Variants in TSPEAR observed in about 807,000 individuals in gnomAD.
The protein encoded by TSPEAR is thrombospondin-type laminin G domain and EAR repeat-containing protein.
A neutral mutation model predicts 71.6 loss-of-function variants in TSPEAR; 69 were observed. The ratio of observed to expected loss-of-function variants is 0.96; its 90% CI spans 0.79 to 1.18. The LOEUF (loss-of-function observed/expected upper bound fraction) is 1.18, where lower values mean the gene tolerates loss of function less well. Ranked by LOEUF, TSPEAR falls within the 50% of genes most tolerant of loss-of-function variation. The probability of loss-of-function intolerance (pLI) is 0.00; values close to 1 mark genes in which losing one functional copy is unlikely to be tolerated. For synonymous variants in TSPEAR, 402 were observed against 387.2 expected (o/e 1.04, Z -0.45); for missense variants, 971 against 894.9 (o/e 1.09, Z -1.09).
chr21:44,549,843 C>T (rs2053371714), intron 2 of TSPEAR, among the ~76,000 whole-genome samples: 3 of 152,322 alleles, frequency 2.0e-5, no homozygotes, highest in African/African-American at 4.8e-5. Flanking sequence ...CTCTGGAGGC[C>T]GCGTCTCTGT....
chr21:44,607,172 C>T (rs1212946812), intron 1 of TSPEAR, among the ~76,000 whole-genome samples: 4 of 152,134 alleles, frequency 2.6e-5, no homozygotes, highest in South Asian at 2.1e-4. Context: ...CTCCGCCTCC[C>T]GGGTTCAAGC....
chr21:44,527,849 CA>C (rs1286707011), intron 6 of TSPEAR, among the ~76,000 whole-genome samples: 1 of 152,214 alleles, frequency 6.6e-6, no homozygotes, highest in Non-Finnish European at 1.5e-5. Flanking sequence ...GGGCGGAACC[CA>C]TGCCCATTTC....
chr21:44,572,771 G>A (rs193024471), intron 1 of TSPEAR, among the ~76,000 whole-genome samples: 3 of 151,116 alleles, frequency 2.0e-5, no homozygotes, highest in South Asian at 2.1e-4. Context: ...AAGTTAAGAG[G>A]AGGCTGTTAG....
chr21:44,569,247 C>CACACAGGGTGTGAA (rs1173207541), intron 1 of TSPEAR, among the ~76,000 whole-genome samples: 4 of 152,198 alleles, frequency 2.6e-5, no homozygotes, highest in Non-Finnish European at 5.9e-5. Context: ...CGCACACGCG[C>CACACAGGGTGTGAA]ACACAGGGTG....
Position 44,552,589 on chromosome 21 carries a change from CCAGT to C in TSPEAR, c.303+15192_303+15195del, listed in dbSNP as rs2053460678. ...AACCTTTCTCTGTTGTCCTACAGGG[CCAGT>C]CAAAGCAGCAAGCCGAGAAATAGAA... On this transcript the variant is annotated intron_variant, in intron 2 of 11. Coordinates refer to ENST00000323084, the MANE Select transcript of TSPEAR (RefSeq NM_144991.3). Among the ~76,000 whole-genome samples, 4 of 152,172 alleles carry C rather than the reference CCAGT, an allele frequency of 2.6e-5. No homozygotes were observed. The South Asian group carries it at 8.3e-4, about 32-fold the overall frequency.
chr21:44,683,605 G>T (rs1555948481), intron 1 of TSPEAR, among the ~76,000 whole-genome samples: 1 of 152,112 alleles, frequency 6.6e-6, no homozygotes, highest in East Asian at 1.9e-4. Flanking sequence ...GGAGGTTGAG[G>T]ATGCCATGAG....
chr21:44,611,569 C>T (rs1555930932), intron 1 of TSPEAR, among the ~76,000 whole-genome samples: 4 of 152,064 alleles, frequency 2.6e-5, no homozygotes. Context: ...GGCATCGCAC[C>T]ATAGTTTGCA....
At chr21:44,620,068 A>G (rs1174781794) in intron 1 of TSPEAR, among the ~76,000 whole-genome samples, 7 of 152,254 alleles carry the variant, frequency 4.6e-5, no homozygotes, top group African/African-American at 1.7e-4. Flanking sequence ...CAAAACAAAG[A>G]GAGAATGTAA....
intron 1 of TSPEAR, chr21:44,591,919 G>T (rs782772410): frequency 1.7e-5 from 28 of 1,604,248 alleles, no homozygotes; most frequent in Non-Finnish European, 2.3e-5. Flanking sequence ...CTCACAGACC[G>T]CCTGGCAGCA....
At position 44,679,560 on chromosome 21, in the gene TSPEAR, A is replaced by G. The variant is rs587608108; in HGVS notation, c.82+31873T>C. Reference sequence around the variant, plus strand: ...TAGAAAAAACAGTCCTAAAATTCATATGGAACCAAAAAGGACCCTGAATAG... The same window carrying G: ...TAGAAAAAACAGTCCTAAAATTCATGTGGAACCAAAAAGGACCCTGAATAG... On this transcript the variant is annotated intron_variant, in intron 1 of 11. Coordinates refer to ENST00000323084, the MANE Select transcript of TSPEAR (RefSeq NM_144991.3). Among the ~76,000 whole-genome samples the G allele has an allele frequency of 4.8e-4, 73 of 152,342 alleles. 1 individual carries two copies. The highest frequency in any genetic ancestry group is 1.6e-3 in the African/African-American group (68 of 41,574).
chr21:44,506,386 G>C lies in TSPEAR; in HGVS notation c.1755-1505C>G, dbSNP rs187472503. Among the ~76,000 whole-genome samples the C allele has an allele frequency of 2.0e-3, 308 of 152,360 alleles. 3 individuals carry two copies. The highest frequency in any genetic ancestry group is 6.6e-3 in the African/African-American group (276 of 41,600). ...ACATGCAGGCCAGGCGGGTGCCTCT[G>C]TATTCAGCAGCCTCAGGGCTGTGGC... On this transcript the variant is annotated intron_variant, in intron 10 of 11. Coordinates refer to ENST00000323084, the MANE Select transcript of TSPEAR (RefSeq NM_144991.3). The surrounding 1 kb of genome is among the most constrained non-coding windows in gnomAD (Gnocchi z 4.2).
At chr21:44,632,541 G>C (rs1477768863) in intron 1 of TSPEAR, among the ~76,000 whole-genome samples, 1 of 152,236 alleles carries the variant, frequency 6.6e-6, no homozygotes, top group Non-Finnish European at 1.5e-5. Context: ...GCCATATTAA[G>C]AAATAAAGAA....
Position 44,525,334 on chromosome 21 carries a change from C to T in TSPEAR, c.1336+319G>A, listed in dbSNP as rs587714248. On this transcript the variant is annotated intron_variant, in intron 8 of 11. Coordinates refer to ENST00000323084, the MANE Select transcript of TSPEAR (RefSeq NM_144991.3). ...GTCATCAGGTAATTAGGTAGTCAGTCGGGTAGTCAGTGAGTTAGGTAGTTA... is the reference window on the plus strand; with the variant it reads ...GTCATCAGGTAATTAGGTAGTCAGTTGGGTAGTCAGTGAGTTAGGTAGTTA... Among the ~76,000 whole-genome samples the T allele has an allele frequency of 3.9e-5, 6 of 152,190 alleles. No homozygotes were observed. The South Asian group carries it at 6.2e-4, about 16-fold the overall frequency.
chr21:44,540,097 C>T (rs1555917037), intron 2 of TSPEAR: 1 of 1,613,800 alleles, frequency 6.2e-7, no homozygotes. Flanking sequence ...AGGCATCCAC[C>T]TGCCAGGAGT....
At chr21:44,575,326 G>A (rs587699769) in intron 1 of TSPEAR, 12 of 383,696 alleles carry the variant, frequency 3.1e-5, no homozygotes, top group African/African-American at 8.1e-5. Flanking sequence ...TTCTTTGGAC[G>A]CCCTCAAGCT....
chr21:44,608,448 TG>T (rs1981450275), intron 1 of TSPEAR, among the ~76,000 whole-genome samples: 1 of 152,252 alleles, frequency 6.6e-6, no homozygotes, highest in South Asian at 2.1e-4. Flanking sequence ...TTGGGACTTT[TG>T]TTTTTGTTTT....
At position 44,560,754 on chromosome 21, in the gene TSPEAR, G is replaced by A. The variant is rs117636789; in HGVS notation, c.303+7031C>T. Among the ~76,000 whole-genome samples the A allele has an allele frequency of 4.7e-4, 72 of 152,172 alleles. 1 individual carries two copies. The East Asian group carries it at 0.011, about 23-fold the overall frequency. The stretch of plus-strand genomic sequence containing the variant: ...ACTCCTGGGTAAGTAACGAAATTAA[G>A]GCAAAAATCAAGAAGTTATTTGAAA... On this transcript the variant is annotated intron_variant, in intron 2 of 11. Coordinates refer to ENST00000323084, the MANE Select transcript of TSPEAR (RefSeq NM_144991.3).
At chr21:44,649,401 C>G (rs1353795821) in intron 1 of TSPEAR, among the ~76,000 whole-genome samples, 6 of 152,176 alleles carry the variant, frequency 3.9e-5, no homozygotes, top group Non-Finnish European at 8.8e-5. Flanking sequence ...GGCCTCTCAG[C>G]AGGAGGGGTA....
intron 2 of TSPEAR, among the ~76,000 whole-genome samples, chr21:44,551,698 C>G (rs1280843372): frequency 5.3e-5 from 8 of 152,192 alleles, no homozygotes; most frequent in Non-Finnish European, 8.8e-5. Flanking sequence ...CTGCTCCTAA[C>G]ACTCGGCTGG....
Sources: gnomAD v4.1 joint callset for allele counts (sites outside exome capture counted in the v4.1 genomes callset) on GRCh38, gnomAD v4.1.1 for gene constraint, Gnocchi (gnomAD v3.1) non-coding constraint, MANE v1.5 for transcripts, NCBI Gene and HGNC (gene_info 2026-07-23, HGNC 2026-07-21) for gene names.